The following TTC34 variants were observed in gnomAD, a reference collection of about 807,000 sequenced individuals.
The protein encoded by TTC34 is tetratricopeptide repeat domain 34.
Under a neutral mutation model 40.7 loss-of-function variants are expected in TTC34, and 44 were observed. The observed-to-expected ratio is 1.08, with a 90% CI of 0.85 to 1.39. The LOEUF (loss-of-function observed/expected upper bound fraction) is 1.39, where lower values mean the gene tolerates loss of function less well. Ranked by LOEUF, TTC34 falls within the 40% of genes most tolerant of loss-of-function variation. The probability of loss-of-function intolerance (pLI) is 0.00; values close to 1 mark genes in which losing one functional copy is unlikely to be tolerated. For missense variants in TTC34, 884 were observed against 838.0 expected (o/e 1.05, Z -0.68); for synonymous variants, 422 against 398.6 (o/e 1.06, Z -0.70).
intron 6 of TTC34, among the ~76,000 whole-genome samples, chr1:2,676,854 T>C (rs1346537567): frequency 1.8e-5 from 1 of 55,884 alleles, no homozygotes; most frequent in African/African-American, 6.8e-5. Flanking sequence ...CACCCCCAGG[T>C]GAGCATCTGA....
exon 3 of TTC34, chr1:2,789,527 G>A: frequency 6.7e-7 from 1 of 1,502,182 alleles, no homozygotes; most frequent in Non-Finnish European, 8.9e-7. Flanking sequence ...GGGGCCGCCC[G>A]TCTCTGCGGC....
chr1:2,655,508 C>G (rs1379694187), intron 6 of TTC34, among the ~76,000 whole-genome samples: 1 of 148,386 alleles, frequency 6.7e-6, no homozygotes, highest in African/African-American at 2.5e-5. Flanking sequence ...AGGTGAGCAT[C>G]TGACAGGCTG....
chr1:2,697,294 G>A (rs1167428876), intron 6 of TTC34, among the ~76,000 whole-genome samples: 1 of 134,638 alleles, frequency 7.4e-6, no homozygotes, highest in African/African-American at 2.9e-5. Context: ...CCCCAGGCGA[G>A]CATCTGACAC....
Position 2,752,079 on chromosome 1 carries a change from A to T in TTC34, c.2226+31530T>A. On this transcript the variant is annotated intron_variant, in intron 6 of 8. Transcript: ENST00000401095. ...AGGCGAACATCTGAACGCACGGAGC[A>T]GCACCCACACCTTCAGGCGAGCATC... Among the ~76,000 whole-genome samples, 2 of 112,656 alleles carry T rather than the reference A, an allele frequency of 1.8e-5. 1 individual carries two copies. Among genetic ancestry groups the T allele is most frequent in the Non-Finnish European group, 3.5e-5 (2 of 57,496 alleles). 73.9% of individuals were successfully genotyped at this position (112,656 alleles called of 152,430 possible).
intron 6 of TTC34, among the ~76,000 whole-genome samples, chr1:2,687,577 C>T (rs1477420877): frequency 2.6e-4 from 18 of 68,666 alleles, no homozygotes; most frequent in South Asian, 5.2e-4. Flanking sequence ...CGCCAGGTGA[C>T]GATCTGACAG....
At chr1:2,771,528 A>G (rs1642141928) in intron 6 of TTC34, among the ~76,000 whole-genome samples, 1 of 78,270 alleles carries the variant, frequency 1.3e-5, no homozygotes, top group Admixed American at 1.1e-4. Context: ...GCACACCCCC[A>G]GGCGAGCATC....
chr1:2,751,650 C>A lies in TTC34; in HGVS notation c.2226+31959G>T, dbSNP rs1351573360. Among the ~76,000 whole-genome samples the A allele has an allele frequency of 3.1e-3, 440 of 143,976 alleles. 94 individuals carry two copies. Among genetic ancestry groups the A allele is most frequent in the African/African-American group, 0.011 (424 of 37,536 alleles). 94.5% of individuals were successfully genotyped at this position (143,976 alleles called of 152,430 possible). A position where few individuals can be genotyped will look rare whatever the true frequency, so the allele number is the denominator to read the frequency against. ...ACGGCCTGGAACAGCACCCACACCC[C>A]CAGTTGAGCATTGGACAGCCTGGAT... On this transcript the variant is annotated intron_variant, in intron 6 of 8. Transcript: ENST00000401095.
intron 6 of TTC34, among the ~76,000 whole-genome samples, chr1:2,757,105 AC>A (rs1641532964): frequency 2.7e-5 from 3 of 113,102 alleles, no homozygotes; most frequent in Admixed American, 1.8e-4. Context: ...CAGCACCCAC[AC>A]CCCCAGGTAA....
chr1:2,759,668 A>G (rs1641627978), intron 6 of TTC34, among the ~76,000 whole-genome samples: 2 of 151,062 alleles, frequency 1.3e-5, no homozygotes, highest in Admixed American at 6.6e-5. Context: ...AGCCTGGAGC[A>G]GCACCAACAA....
intron 6 of TTC34, among the ~76,000 whole-genome samples, chr1:2,684,264 C>T (rs1192358527): frequency 2.8e-5 from 4 of 145,080 alleles, no homozygotes; most frequent in South Asian, 4.4e-4. Flanking sequence ...CAGCCTGGAG[C>T]GGAACCCACG....
chr1:2,755,664 C>A (rs1399573420), intron 6 of TTC34, among the ~76,000 whole-genome samples: 2 of 120,538 alleles, frequency 1.7e-5, no homozygotes, highest in South Asian at 5.7e-4. Context: ...CACCCACAAC[C>A]ACAGGTGAGC....
At chr1:2,792,330 T>C (rs1643672978) in intron 2 of TTC34, among the ~76,000 whole-genome samples, 2 of 152,180 alleles carry the variant, frequency 1.3e-5, no homozygotes, top group Non-Finnish European at 2.9e-5. Flanking sequence ...CATTTATCTA[T>C]GAAGATTCCA....
At chr1:2,751,014 T>C (rs1156533734) in intron 6 of TTC34, among the ~76,000 whole-genome samples, 1 of 91,636 alleles carries the variant, frequency 1.1e-5, no homozygotes, top group Non-Finnish European at 2.0e-5. Flanking sequence ...CACCGACAGG[T>C]GAGCATCTGA....
rs1638998536 is a variant in TTC34, at chr1:2,645,345, G to A, written c.2445C>T (p.Asp815=). 1 of 1,527,374 alleles carries A rather than the reference G, an allele frequency of 6.5e-7. No individual in the cohort carries two copies. The highest frequency in any genetic ancestry group is 1.7e-4 in the Middle Eastern group (1 of 5,958). The allele number at this position is 1,527,374 out of a possible 1,614,324, so 94.6% of individuals were successfully genotyped here. A position where few individuals can be genotyped will look rare whatever the true frequency, so the allele number is the denominator to read the frequency against. Residue 815 remains aspartate, a synonymous_variant, in exon 7 of 9, where the codon GAC becomes GAT. Transcript: ENST00000401095. This position sits in a 1 kb window ranked among gnomAD's most constrained non-coding sequence, Gnocchi z 4.7. ...GGAGGTGCCAGTGCGGTTGCCCTGA[G>A]TCGATTTTGATCAGCGCCTCCCCCA...
chr1:2,790,182 C>G, exon 3 of TTC34: 1 of 398,442 alleles, frequency 2.5e-6, no homozygotes, highest in East Asian at 3.6e-5. Context: ...TGAGCCCGGA[C>G]GCGCTCCTGG....
exon 9 of TTC34, chr1:2,641,652 G>T: frequency 1.3e-6 from 2 of 1,535,384 alleles, no homozygotes; most frequent in Non-Finnish European, 1.7e-6. Context: ...CTCAGCAGCA[G>T]GCGACCCTGA....
chr1:2,794,087 C>G (rs1315099507), intron 2 of TTC34, among the ~76,000 whole-genome samples: 1 of 152,174 alleles, frequency 6.6e-6, no homozygotes, highest in Admixed American at 6.5e-5. Context: ...CCTTCATCTC[C>G]CAAGCTTAAG....
exon 3 of TTC34, chr1:2,789,528 T>G: frequency 6.7e-7 from 1 of 1,501,580 alleles, no homozygotes; most frequent in Non-Finnish European, 8.9e-7. Context: ...GGGCCGCCCG[T>G]CTCTGCGGCC....
chr1:2,768,067 C>A (rs1206953436), intron 6 of TTC34, among the ~76,000 whole-genome samples: 1 of 151,462 alleles, frequency 6.6e-6, no homozygotes, highest in Non-Finnish European at 1.5e-5. Flanking sequence ...ATTTGCCAGC[C>A]AGGAACGGCA....
Sources: gnomAD v4.1 joint callset for allele counts (sites outside exome capture counted in the v4.1 genomes callset) on GRCh38, gnomAD v4.1.1 for gene constraint, Gnocchi (gnomAD v3.1) non-coding constraint, MANE v1.5 for transcripts, NCBI Gene and HGNC (gene_info 2026-07-23, HGNC 2026-07-21) for gene names.